GRID1: variants seen among roughly 807,000 people sequenced by gnomAD.
GRID1 encodes the protein glutamate ionotropic receptor delta type subunit 1.
GRID1 carries 28 observed loss-of-function variants against 98.0 expected under a neutral mutation model. The observed-to-expected ratio is 0.29, with a 90% CI of 0.21 to 0.39. GRID1 has a LOEUF of 0.39. GRID1 is among the 10% of genes least tolerant of loss of function. GRID1 has a pLI of 1.00. For synonymous variants in GRID1, 553 were observed against 538.5 expected, an observed-to-expected ratio of 1.03 and a Z score of -0.37; for missense variants, 1,111 against 1,340.5, an observed-to-expected ratio of 0.83 and a Z score of 2.67.
At chr10:85,732,740 A>C (rs1179140048) in intron 8 of GRID1, among the ~76,000 whole-genome samples, 1 of 152,212 alleles carries the variant, frequency 6.6e-6, no homozygotes, top group Non-Finnish European at 1.5e-5. Flanking sequence ...TATATTAATT[A>C]AAATATTCTA....
chr10:85,706,204 T>C (rs1030174459), intron 12 of GRID1, among the ~76,000 whole-genome samples: 2 of 152,204 alleles, frequency 1.3e-5, no homozygotes, highest in Non-Finnish European at 1.5e-5. Flanking sequence ...ATTGTGTATC[T>C]AGAAAACCGC....
chr10:86,066,571 A>G (rs146982668), intron 4 of GRID1, among the ~76,000 whole-genome samples: 117 of 152,312 alleles, frequency 7.7e-4, no homozygotes, highest in East Asian at 2.7e-3. Flanking sequence ...CCATCATGCT[A>G]TGGAAGCTCA....
At chr10:86,006,299 C>T (rs574494771) in intron 4 of GRID1, among the ~76,000 whole-genome samples, 1 of 152,264 alleles carries the variant, frequency 6.6e-6, no homozygotes, top group East Asian at 1.9e-4. Context: ...ATTCCAAACA[C>T]AAAAATTAGC....
intron 4 of GRID1, among the ~76,000 whole-genome samples, chr10:86,026,018 A>G (rs1412855581): frequency 6.6e-6 from 1 of 152,246 alleles, no homozygotes; most frequent in African/African-American, 2.4e-5. Flanking sequence ...TTGTTCCTAC[A>G]GCAAGACCTT....
At chr10:86,103,936 T>C (rs897110741) in intron 4 of GRID1, among the ~76,000 whole-genome samples, 2 of 152,130 alleles carry the variant, frequency 1.3e-5, no homozygotes, top group African/African-American at 4.8e-5. Context: ...ATCTCATTCA[T>C]CACAACTGTT....
At chr10:86,007,584 A>ATATACAAGATGT (rs1842875504) in intron 4 of GRID1, among the ~76,000 whole-genome samples, 1 of 152,234 alleles carries the variant, frequency 6.6e-6, no homozygotes, top group Non-Finnish European at 1.5e-5. Context: ...TTTATACAAT[A>ATATACAAGATGT]TCACTGCTGA....
intron 4 of GRID1, among the ~76,000 whole-genome samples, chr10:86,111,304 T>C (rs1424173094): frequency 6.6e-6 from 1 of 152,038 alleles, no homozygotes; most frequent in South Asian, 2.1e-4. Flanking sequence ...CCACCCACCA[T>C]GAGAACATAG....
chr10:86,332,299 C>A (rs1848154896), intron 2 of GRID1, among the ~76,000 whole-genome samples: 1 of 152,160 alleles, frequency 6.6e-6, no homozygotes, highest in Non-Finnish European at 1.5e-5. Context: ...AGAACAGCCC[C>A]TGGAGAGGAA....
intron 13 of GRID1, among the ~76,000 whole-genome samples, chr10:85,630,377 T>C (rs1455567002): frequency 6.6e-6 from 1 of 152,172 alleles, no homozygotes; most frequent in Non-Finnish European, 1.5e-5. Flanking sequence ...CCTGGTGCAT[T>C]GAAGAAACGC....
intron 5 of GRID1, among the ~76,000 whole-genome samples, chr10:85,873,772 T>C (rs1489069895): frequency 1.3e-5 from 2 of 152,240 alleles, no homozygotes; most frequent in African/African-American, 4.8e-5. Context: ...CAAACTTCGT[T>C]GTGTATCAGT....
chr10:86,217,952 C>T lies in GRID1; in HGVS notation c.236-11304G>A, dbSNP rs372429194. 3.6e-3 allele frequency among the ~76,000 whole-genome samples: 549 copies of T among 152,294 alleles called. 7 individuals are homozygous for T. Among genetic ancestry groups the T allele is most frequent in the African/African-American group, 0.012 (512 of 41,564 alleles). The stretch of plus-strand genomic sequence containing the variant: ...GGGCCTGATCCTGTGTCCAATTCTC[C>T]CCTACCCCACCTGCATTTGTCTCCT... On this transcript the variant is annotated intron_variant, in intron 2 of 15. Transcript: ENST00000327946.
chr10:86,353,997 A>T (rs1306125482), intron 2 of GRID1, among the ~76,000 whole-genome samples: 4 of 152,136 alleles, frequency 2.6e-5, no homozygotes, highest in Non-Finnish European at 4.4e-5. Flanking sequence ...CCCAGAGCCC[A>T]GACCAGAGGC....
chr10:85,665,364 C>A (rs1841007779), intron 12 of GRID1, among the ~76,000 whole-genome samples: 1 of 152,116 alleles, frequency 6.6e-6, no homozygotes, highest in South Asian at 2.1e-4. Context: ...TTCCCATGAT[C>A]CTAAAGGGTT....
At chr10:85,792,038 G>A (rs977219770) in intron 8 of GRID1, among the ~76,000 whole-genome samples, 3 of 152,150 alleles carry the variant, frequency 2.0e-5, no homozygotes, top group Non-Finnish European at 2.9e-5. Flanking sequence ...TTAGGTTCTG[G>A]AAGCCTAAGT....
At position 85,898,193 on chromosome 10, in the gene GRID1, T is replaced by C. The variant is rs115115592; in HGVS notation, c.780+17993A>G. Among the ~76,000 whole-genome samples the C allele has an allele frequency of 1.7e-3, 262 of 152,304 alleles. 1 individual carries two copies. Among genetic ancestry groups the C allele is most frequent in the African/African-American group, 6.1e-3 (255 of 41,566 alleles). Reference sequence around the variant, plus strand: ...CCAATGGTATTTGTGTATCTGAATATAGCTAGACATAGAAAAGGTATAGTA... The same window carrying C: ...CCAATGGTATTTGTGTATCTGAATACAGCTAGACATAGAAAAGGTATAGTA... On this transcript the variant is annotated intron_variant, in intron 5 of 15. Coordinates refer to ENST00000327946, the MANE Select transcript of GRID1 (RefSeq NM_017551.3).
chr10:85,950,562 G>C (rs1488514002), intron 4 of GRID1, among the ~76,000 whole-genome samples: 1 of 152,194 alleles, frequency 6.6e-6, no homozygotes, highest in Non-Finnish European at 1.5e-5. Context: ...TCTTGTCAAG[G>C]AGCAGAGGGG....
chr10:86,162,271 C>T (rs925263702), intron 3 of GRID1, among the ~76,000 whole-genome samples: 1 of 152,070 alleles, frequency 6.6e-6, no homozygotes, highest in African/African-American at 2.4e-5. Flanking sequence ...AAGGAGGGAA[C>T]TGACCCAGAA....
At chr10:85,878,075 G>A (rs1055164790) in intron 5 of GRID1, among the ~76,000 whole-genome samples, 8 of 152,254 alleles carry the variant, frequency 5.3e-5, no homozygotes, top group Non-Finnish European at 7.4e-5. Flanking sequence ...AGAGAAAAAC[G>A]AATAAAAAGA....
chr10:85,909,409 A>G (rs936909292), intron 5 of GRID1, among the ~76,000 whole-genome samples: 1 of 152,238 alleles, frequency 6.6e-6, no homozygotes, highest in Admixed American at 6.5e-5. Flanking sequence ...GAGCCCCAGA[A>G]AAAGGAAAGT....
Sources: allele counts gnomAD v4.1 joint callset (sites outside exome capture counted in the v4.1 genomes callset), GRCh38; gene constraint gnomAD v4.1.1; transcripts MANE v1.5; gene names NCBI Gene and HGNC (gene_info 2026-07-23, HGNC 2026-07-21).